Variants in PDIA5 observed in about 807,000 individuals in gnomAD.
PDIA5 encodes the protein protein disulfide-isomerase A5.
In PDIA5, 58 loss-of-function variants were observed where a neutral mutation model predicts 77.6. That is an observed-to-expected ratio of 0.75 (90% confidence interval 0.61 to 0.93). The LOEUF is 0.93. PDIA5 is among the 40% of genes least tolerant of loss of function. PDIA5 has a pLI of 0.00. For missense variants in PDIA5, 630 were observed against 647.7 expected, an observed-to-expected ratio of 0.97 and a Z score of 0.30; for synonymous variants, 250 against 252.1, an observed-to-expected ratio of 0.99 and a Z score of 0.08.
chr3:123,088,388 G>A (rs1934195824), intron 1 of PDIA5, among the ~76,000 whole-genome samples: 2 of 152,148 alleles, frequency 1.3e-5, no homozygotes, highest in South Asian at 4.1e-4. Context: ...TCACTTGGCT[G>A]AGTAAGAAAA....
chr3:123,107,033 T>C (rs753679253), intron 6 of PDIA5, among the ~76,000 whole-genome samples, 192 bp downstream of exon 6: 4 of 152,228 alleles, frequency 2.6e-5, no homozygotes, highest in Non-Finnish European at 5.9e-5. Context: ...CCAGCGGTGA[T>C]CACAGGTTGC....
intron 10 of PDIA5, among the ~76,000 whole-genome samples, chr3:123,127,075 G>A (rs1935258088): frequency 6.6e-6 from 1 of 152,198 alleles, no homozygotes; most frequent in African/African-American, 2.4e-5. Context: ...GTAGCTTTAT[G>A]CCAACCAGAA....
At chr3:123,078,430 G>C (rs1933912552) in intron 1 of PDIA5, among the ~76,000 whole-genome samples, 1 of 152,032 alleles carries the variant, frequency 6.6e-6, no homozygotes, top group African/African-American at 2.4e-5. Flanking sequence ...TTTTTTCTTT[G>C]TAACTTTTAT....
In PDIA5 at chr3:123,154,967, AC is replaced by A; in HGVS notation, c.1274-3del. The A allele has an allele frequency of 6.2e-7, 1 of 1,602,640 alleles. No homozygotes were observed. Among genetic ancestry groups the A allele is most frequent in the South Asian group, 1.1e-5 (1 of 90,822 alleles). ...CCTGTGTGCTCTCTTCCCCTCTCACACAGGGTGCCCACACTGTAAGAAGGTC... is the reference window on the plus strand; with the variant it reads ...CCTGTGTGCTCTCTTCCCCTCTCACAAGGGTGCCCACACTGTAAGAAGGTC... On this transcript the variant is annotated splice_polypyrimidine_tract_variant and splice_region_variant and intron_variant, in intron 14 of 16. Coordinates refer to ENST00000316218, the MANE Select transcript of PDIA5 (RefSeq NM_006810.4).
At chr3:123,134,708 A>G (rs571571695) in intron 11 of PDIA5, among the ~76,000 whole-genome samples, 4 of 152,162 alleles carry the variant, frequency 2.6e-5, no homozygotes, top group Non-Finnish European at 5.9e-5. Context: ...GTTGTCACTA[A>G]ATAAATGAGC....
chr3:123,131,766 G>A (rs531882052), intron 11 of PDIA5, among the ~76,000 whole-genome samples: 1 of 152,062 alleles, frequency 6.6e-6, no homozygotes, highest in Admixed American at 6.6e-5. Context: ...CTACTCCCAT[G>A]GAGAGTGGAA....
At chr3:123,074,707 G>T (rs1933806295) in intron 1 of PDIA5, among the ~76,000 whole-genome samples, 2 of 152,220 alleles carry the variant, frequency 1.3e-5, no homozygotes, top group South Asian at 4.1e-4. Context: ...ACTGTAATTT[G>T]TTATCTACAT....
At chr3:123,081,004 A>G (rs1391814032) in intron 1 of PDIA5, among the ~76,000 whole-genome samples, 2 of 151,910 alleles carry the variant, frequency 1.3e-5, no homozygotes, top group Non-Finnish European at 2.9e-5. Context: ...GACTAAGAAG[A>G]CTCTTATCAG....
rs143293165 is a variant in PDIA5, at chr3:123,112,015, C to A, written c.541+1011C>A. Among the ~76,000 whole-genome samples the A allele has an allele frequency of 4.6e-5, 7 of 152,288 alleles. No individual in the cohort carries two copies. The East Asian group carries it at 1.4e-3, about 29-fold the overall frequency. On this transcript the variant is annotated intron_variant, in intron 7 of 16. Coordinates refer to ENST00000316218, the MANE Select transcript of PDIA5 (RefSeq NM_006810.4). ...CATGGCCATACATTGATGTGGTGTC[C>A]GTGGGCGCTTGCGAGCTATACCAAC...
At chr3:123,146,032 G>A (rs1231119604) in intron 12 of PDIA5, 67 bp from the exon 13 acceptor site, 2 of 1,489,330 alleles carry the variant, frequency 1.3e-6, no homozygotes, top group Non-Finnish European at 1.9e-6. Context: ...GCAGCGTCTG[G>A]GCTCCTGTGT....
chr3:123,132,988 C>A (rs906761407), intron 11 of PDIA5, among the ~76,000 whole-genome samples: 1 of 152,194 alleles, frequency 6.6e-6, no homozygotes, highest in Non-Finnish European at 1.5e-5. Context: ...ATATACTGCC[C>A]GTCAATGTTC....
Position 123,092,342 on chromosome 3 carries a change from T to G in PDIA5, c.170-13T>G. 1.2e-6 allele frequency: 2 copies of G among 1,608,992 alleles called. No individual in the cohort carries two copies. Among genetic ancestry groups the G allele is most frequent in the Admixed American group, 1.7e-5 (1 of 59,886 alleles). The stretch of plus-strand genomic sequence containing the variant: ...TGGTCACAGATGTTTAATTTTTTGT[T>G]TTTTTTTTACAGAGGTGGCAGCTGA... On this transcript the variant is annotated splice_polypyrimidine_tract_variant and intron_variant, in intron 2 of 16. Transcript: ENST00000316218.
At chr3:123,113,517 G>A (rs1037594529) in intron 7 of PDIA5, among the ~76,000 whole-genome samples, 6 of 152,224 alleles carry the variant, frequency 3.9e-5, no homozygotes, top group African/African-American at 1.4e-4. Context: ...CGGAGGTTAA[G>A]TTCAACTTTT....
intron 7 of PDIA5, among the ~76,000 whole-genome samples, chr3:123,114,022 G>T (rs1381933289): frequency 6.6e-6 from 1 of 152,156 alleles, no homozygotes; most frequent in Non-Finnish European, 1.5e-5. Flanking sequence ...CTTGGCCTGT[G>T]GTTTCCTACT....
intron 1 of PDIA5, among the ~76,000 whole-genome samples, chr3:123,075,485 A>T (rs988021928): frequency 2.0e-5 from 3 of 152,238 alleles, no homozygotes; most frequent in Non-Finnish European, 4.4e-5. Context: ...TCAAGAGGCC[A>T]AACAAGATGA....
chr3:123,117,399 T>TATATATATATATATATATATATATATAA, intron 8 of PDIA5, among the ~76,000 whole-genome samples: 1 of 135,422 alleles, frequency 7.4e-6, no homozygotes. Flanking sequence ...TATATATATA[T>TATATATATATATATATATATATATATAA]TCTGTTTTAG....
chr3:123,162,054 T>C lies in PDIA5; in HGVS notation c.*94T>C. 1 of 759,764 alleles carries C rather than the reference T, an allele frequency of 1.3e-6. No individual in the cohort carries two copies. The highest frequency in any genetic ancestry group is 2.3e-6 in the Non-Finnish European group (1 of 431,714). 47.1% of individuals were successfully genotyped at this position (759,764 alleles called of 1,614,324 possible). On this transcript the variant is annotated 3_prime_UTR_variant, in exon 17 of 17. Coordinates refer to ENST00000316218, the MANE Select transcript of PDIA5 (RefSeq NM_006810.4). ...ACATGTTCTGAAGACAAATTTTTTA[T>C]AGCCGCTTATGGCCATTTTGTACAA...
intron 15 of PDIA5, among the ~76,000 whole-genome samples, chr3:123,159,210 G>C (rs1052568706): frequency 6.6e-6 from 1 of 152,236 alleles, no homozygotes. Context: ...CTCCTGGCCC[G>C]GGCTGGGCAT....
chr3:123,147,452 A>G (rs2673343), intron 13 of PDIA5, among the ~76,000 whole-genome samples: 82,508 of 152,002 alleles, frequency 0.54, 22,780 homozygotes, highest in East Asian at 0.83. Flanking sequence ...TTAGGACATC[A>G]GTCAGATATG....
Sources: gnomAD v4.1 joint callset for allele counts (sites outside exome capture counted in the v4.1 genomes callset) on GRCh38, gnomAD v4.1.1 for gene constraint, MANE v1.5 for transcripts, NCBI Gene and HGNC (gene_info 2026-07-23, HGNC 2026-07-21) for gene names.